The following HLA-DQB1 variants were observed in gnomAD, a reference collection of about 807,000 sequenced individuals.
HLA-DQB1 encodes the protein HLA class II histocompatibility antigen, DQ beta 1 chain.
Under a neutral mutation model 26.4 loss-of-function variants are expected in HLA-DQB1, and 13 were observed. The observed-to-expected ratio is 0.49, with a 90% CI of 0.32 to 0.78. HLA-DQB1 has a LOEUF of 0.78. HLA-DQB1 is among the 30% of genes least tolerant of loss of function. The probability of loss-of-function intolerance (pLI) is 0.03; values close to 1 mark genes in which losing one functional copy is unlikely to be tolerated. For synonymous variants in HLA-DQB1, 60 were observed against 129.1 expected (o/e 0.46, Z 3.63); for missense variants, 158 against 326.2 (o/e 0.48, Z 3.97).
intron 1 of HLA-DQB1, among the ~76,000 whole-genome samples, chr6:32,665,910 T>C (rs9274475): frequency 0.6 from 60,385 of 101,116 alleles, 17,214 homozygotes; most frequent in Middle Eastern, 0.75. Context: ...AGTCCACCAT[T>C]AACTCGGGTC....
At chr6:32,660,940 C>A (rs1782919793) in intron 4 of HLA-DQB1, 3 of 1,152,554 alleles carry the variant, frequency 2.6e-6, no homozygotes, top group Middle Eastern at 2.0e-4. Context: ...ACTCTCTCAC[C>A]CCAAAGGAAA....
intron 2 of HLA-DQB1, 76 bp from the exon 3 acceptor site, chr6:32,662,324 A>T (rs28724259): frequency 1.8e-6 from 1 of 560,700 alleles, no homozygotes; most frequent in Non-Finnish European, 2.4e-6. Flanking sequence ...ATGAGGAAGG[A>T]TCCCTCCTTG....
intron 1 of HLA-DQB1, among the ~76,000 whole-genome samples, chr6:32,665,802 G>C (rs281861413): frequency 1.1e-5 from 1 of 93,432 alleles, no homozygotes; most frequent in African/African-American, 3.7e-5. Flanking sequence ...GTTAGAAGGA[G>C]TGAGAGAGAA....
At chr6:32,662,673 G>T (rs751849749) in intron 2 of HLA-DQB1, 31,295 of 103,382 alleles carry the variant, frequency 0.3, 7,276 homozygotes, top group South Asian at 0.36. Flanking sequence ...TAAAAAAAAT[G>T]ACACATCTTT....
At chr6:32,663,430 A>AAT (rs1783413498) in intron 2 of HLA-DQB1, 1 of 109,232 alleles carries the variant, frequency 9.2e-6, no homozygotes, top group Non-Finnish European at 2.0e-5. Context: ...AACACACAGA[A>AAT]CAAACAGGAA....
At chr6:32,660,825 G>GT (rs1554163802) in intron 4 of HLA-DQB1, 22,913 of 1,211,100 alleles carry the variant, frequency 0.019, 3,015 homozygotes, top group East Asian at 0.19. Context: ...TTATACCTGT[G>GT]CCTCCCCACA....
rs41553112 is a variant in HLA-DQB1, at chr6:32,664,996, T to A, written c.181A>T (p.Arg61Ter). 1.3e-5 allele frequency: 17 copies of A among 1,291,378 alleles called. 6 individuals are homozygous for A. The highest frequency in any genetic ancestry group is 1.8e-5 in the Non-Finnish European group (17 of 919,320). 80.0% of individuals were successfully genotyped at this position (1,291,378 alleles called of 1,614,324 possible). A position where few individuals can be genotyped will look rare whatever the true frequency, so the allele number is the denominator to read the frequency against. ...TACTCCTCTCGGTTATAGATGTATC[T>A]GGTCACAAGACGCACGCGCTCCGTC... Residue 61 changes from arginine (R) to a stop codon, truncating the protein, a stop_gained, in exon 2 of 5, where the codon AGA becomes TGA. Coordinates refer to ENST00000434651, the Ensembl canonical transcript of HLA-DQB1. LOFTEE classifies it high-confidence loss of function.
chr6:32,666,327 C>T (rs9274503), intron 1 of HLA-DQB1, among the ~76,000 whole-genome samples, 172 bp downstream of exon 1: 55,584 of 149,078 alleles, frequency 0.37, 11,029 homozygotes, highest in South Asian at 0.45. Context: ...TTGTCCTCAT[C>T]TCATCACTAA....
chr6:32,666,500 G>A (rs1784181152), exon 1 of HLA-DQB1: 4 of 1,056,852 alleles, frequency 3.8e-6, no homozygotes, highest in South Asian at 1.5e-5. Flanking sequence ...TGCACTTACC[G>A]GGAGAGTCTC....
chr6:32,661,280 C>T lies in HLA-DQB1; in HGVS notation c.772+67G>A, dbSNP rs9273581. ...CAGGAGGAAAGAGCTAATCTACAGA[C>T]AGGACCACTCTGAACAGAGGGTCTG... On this transcript the variant is annotated intron_variant, in intron 4 of 4. Transcript: ENST00000434651. The T allele has an allele frequency of 6.2e-6, 5 of 807,484 alleles. No individual in the cohort carries two copies. In the Admixed American group the frequency reaches 1.4e-4, roughly 23 times the overall value. 50.0% of individuals were successfully genotyped at this position (807,484 alleles called of 1,614,324 possible).
chr6:32,660,523 C>A, intron 4 of HLA-DQB1: 1 of 358,126 alleles, frequency 2.8e-6, no homozygotes, highest in Non-Finnish European at 5.0e-6. Context: ...GATGATATCT[C>A]TTCCCGACCA....
At position 32,660,068 on chromosome 6, in the gene HLA-DQB1, C is replaced by G. The variant is rs281864465; in HGVS notation, c.*168G>C. On this transcript the variant is annotated 3_prime_UTR_variant, in exon 5 of 5. Transcript: ENST00000434651. ...GTGCAGGAAGCAGAGTCACAGCCAG[C>G]GCCTTGGGGTGGGGATGAAAGGAGA... 1.0e-5 allele frequency: 4 copies of G among 389,160 alleles called. 1 individual carries two copies. The highest frequency in any genetic ancestry group is 8.8e-5 in the African/African-American group (4 of 45,670). 24.1% of individuals were successfully genotyped at this position (389,160 alleles called of 1,614,324 possible). A position where few individuals can be genotyped will look rare whatever the true frequency, so the allele number is the denominator to read the frequency against.
At position 32,664,498 on chromosome 6, in the gene HLA-DQB1, G is replaced by A. The variant is rs9274334; in HGVS notation, c.379+300C>T. Reference sequence around the variant, plus strand: ...GAACTGCTTAGCGAAGGTAAGGTACGAGGAGGCAAACACATAAGGCACGAG... The same window carrying A: ...GAACTGCTTAGCGAAGGTAAGGTACAAGGAGGCAAACACATAAGGCACGAG... On this transcript the variant is annotated intron_variant, in intron 2 of 4. Coordinates refer to ENST00000434651, the Ensembl canonical transcript of HLA-DQB1. The A allele has an allele frequency of 3.3e-3, 561 of 167,970 alleles. 9 individuals are homozygous for A. Among genetic ancestry groups the A allele is most frequent in the African/African-American group, 6.2e-3 (169 of 27,312 alleles). 10.4% of individuals were successfully genotyped at this position (167,970 alleles called of 1,614,324 possible). A position where few individuals can be genotyped will look rare whatever the true frequency, so the allele number is the denominator to read the frequency against.
intron 3 of HLA-DQB1, 112 bp from the exon 4 acceptor site, chr6:32,661,569 T>C (rs9273723): frequency 0.25 from 171,173 of 682,224 alleles, 40,879 homozygotes; most frequent in East Asian, 0.31. Flanking sequence ...AGGAACCTAG[T>C]TCTCCATTCA....
At chr6:32,663,542 T>C (rs281874957) in intron 2 of HLA-DQB1, 2 of 124,578 alleles carry the variant, frequency 1.6e-5, no homozygotes, top group African/African-American at 3.0e-5. Flanking sequence ...TTGTGTACTT[T>C]GGGAGGCTTA....
In HLA-DQB1 at chr6:32,662,255, G is replaced by T. The variant is rs281864104; in HGVS notation, c.380-7C>A. ...ATGGTCACTGTGGGCTCCACTGAGGGCAGTAACAGACAGGAAAAGACATAG... is the reference window on the plus strand; with the variant it reads ...ATGGTCACTGTGGGCTCCACTGAGGTCAGTAACAGACAGGAAAAGACATAG... On this transcript the variant is annotated splice_polypyrimidine_tract_variant and splice_region_variant and intron_variant, in intron 2 of 4. Coordinates refer to ENST00000434651, the Ensembl canonical transcript of HLA-DQB1. 2.4e-6 allele frequency: 3 copies of T among 1,265,192 alleles called. No individual in the cohort carries two copies. The highest frequency in any genetic ancestry group is 3.2e-6 in the Non-Finnish European group (3 of 931,234). 78.4% of individuals were successfully genotyped at this position (1,265,192 alleles called of 1,614,324 possible).
At chr6:32,660,782 T>C (rs281875165) in intron 4 of HLA-DQB1, 123,361 of 771,506 alleles carry the variant, frequency 0.16, 16,077 homozygotes, top group South Asian at 0.24. Flanking sequence ...TGGACCACTG[T>C]GGTCAGGTAC....
intron 2 of HLA-DQB1, 149 bp downstream of exon 2, chr6:32,664,649 G>GCCCCCCCCCC: frequency 1.4e-5 from 3 of 210,462 alleles, no homozygotes; most frequent in South Asian, 1.1e-4. Flanking sequence ...CGATGCACCT[G>GCCCCCCCCCC]CCCCCACCAC....
chr6:32,660,819 A>G (rs1428090548), intron 4 of HLA-DQB1: 2 of 1,135,548 alleles, frequency 1.8e-6, no homozygotes, highest in Admixed American at 4.9e-5. Flanking sequence ...TCCCTCTTAT[A>G]CCTGTGCCTC....
Sources: allele counts gnomAD v4.1 joint callset (sites outside exome capture counted in the v4.1 genomes callset), GRCh38; gene constraint gnomAD v4.1.1; transcripts MANE v1.5; gene names NCBI Gene and HGNC (gene_info 2026-07-23, HGNC 2026-07-21).